The following STAG1 variants were observed in gnomAD, a reference collection of about 807,000 sequenced individuals.
STAG1 encodes the protein STAG1 cohesin complex component.
STAG1 carries 26 observed loss-of-function variants against 170.9 expected under a neutral mutation model. The ratio of observed to expected loss-of-function variants is 0.15; its 90% CI spans 0.11 to 0.21. STAG1 has a LOEUF of 0.21. Among genes scored for constraint, STAG1 ranks in the 10% least tolerant of loss-of-function variants. The probability of loss-of-function intolerance (pLI) is 1.00; values close to 1 mark genes in which losing one functional copy is unlikely to be tolerated. For missense variants in STAG1, 964 were observed against 1,509.5 expected, an observed-to-expected ratio of 0.64 and a Z score of 5.99; for synonymous variants, 514 against 497.7, an observed-to-expected ratio of 1.03 and a Z score of -0.44.
At chr3:136,405,910 A>T (rs1449209895) in intron 21 of STAG1, among the ~76,000 whole-genome samples, 2 of 152,050 alleles carry the variant, frequency 1.3e-5, no homozygotes, top group Non-Finnish European at 2.9e-5. Flanking sequence ...GACGATACAC[A>T]ATAACTGAAG....
chr3:136,638,485 AAAATATG>A (rs1458051686), intron 1 of STAG1, among the ~76,000 whole-genome samples: 1 of 152,080 alleles, frequency 6.6e-6, no homozygotes, highest in East Asian at 1.9e-4. Context: ...TGTTGAATTA[AAAATATG>A]TGTGTGTATA....
chr3:136,521,204 A>G lies in STAG1; in HGVS notation c.676+9T>C. 1 of 1,609,050 alleles carries G rather than the reference A, an allele frequency of 6.2e-7. No homozygotes were observed. The highest frequency in any genetic ancestry group is 8.5e-7 in the Non-Finnish European group (1 of 1,175,954). On this transcript the variant is annotated intron_variant, in intron 7 of 33. Coordinates refer to ENST00000383202, the MANE Select transcript of STAG1 (RefSeq NM_005862.3). ...TAAATGAAAAGGAAATAAAATGTTA[A>G]TTACTTACCAGCCAGGGTACTTGTA... is the stretch of plus-strand genomic sequence containing the variant.
At chr3:136,612,949 G>A (rs1939379279) in intron 3 of STAG1, among the ~76,000 whole-genome samples, 1 of 152,162 alleles carries the variant, frequency 6.6e-6, no homozygotes, top group South Asian at 2.1e-4. Context: ...AGCTTTGTAT[G>A]AAATTGCCAA....
chr3:136,580,934 T>C (rs1325800828), intron 4 of STAG1, among the ~76,000 whole-genome samples: 1 of 152,232 alleles, frequency 6.6e-6, no homozygotes, highest in Non-Finnish European at 1.5e-5. Context: ...GTATATGGTA[T>C]GAGGTAAAAA....
chr3:136,470,488 A>T (rs1478521339), intron 12 of STAG1, among the ~76,000 whole-genome samples: 3 of 152,214 alleles, frequency 2.0e-5, no homozygotes, highest in South Asian at 2.1e-4. Context: ...AGGAAACAAC[A>T]GATGTTGGAG....
intron 6 of STAG1, among the ~76,000 whole-genome samples, chr3:136,541,538 T>TCACACACACACACACTCACACACACA (rs1935899379): frequency 8.1e-6 from 1 of 123,122 alleles, no homozygotes; most frequent in Non-Finnish European, 1.7e-5. Flanking sequence ...AGCTTAACAT[T>TCACACACACACACACTCACACACACA]CACACACACA....
chr3:136,371,243 T>C lies in STAG1; in HGVS notation c.2371-1961A>G, dbSNP rs542758461. Among the ~76,000 whole-genome samples the C allele has an allele frequency of 2.6e-5, 4 of 152,366 alleles. No homozygotes were observed. The South Asian group carries it at 8.3e-4, about 32-fold the overall frequency. On this transcript the variant is annotated intron_variant, in intron 23 of 33. Coordinates refer to ENST00000383202, the MANE Select transcript of STAG1 (RefSeq NM_005862.3). ...TAAATCTGTCTGAGTTCATTGTAGATTCTGGATATTAGCCCTTTGTCAGAT... is the reference window on the plus strand; with the variant it reads ...TAAATCTGTCTGAGTTCATTGTAGACTCTGGATATTAGCCCTTTGTCAGAT...
chr3:136,490,714 G>T (rs2090109380), intron 9 of STAG1, among the ~76,000 whole-genome samples: 1 of 152,088 alleles, frequency 6.6e-6, no homozygotes, highest in East Asian at 1.9e-4. Context: ...ATCTATTATG[G>T]TATTGTATAA....
At chr3:136,341,949 T>C (rs1440870894) in intron 30 of STAG1, among the ~76,000 whole-genome samples, 1 of 152,172 alleles carries the variant, frequency 6.6e-6, no homozygotes, top group Non-Finnish European at 1.5e-5. Context: ...CCTCAGTCTT[T>C]ATGGAGTCAA....
At chr3:136,698,267 C>T (rs1482346000) in intron 1 of STAG1, among the ~76,000 whole-genome samples, 1 of 152,074 alleles carries the variant, frequency 6.6e-6, no homozygotes, top group Non-Finnish European at 1.5e-5. Context: ...TGACAAAGGA[C>T]TAGTATCCTG....
intron 1 of STAG1, among the ~76,000 whole-genome samples, chr3:136,636,729 A>G (rs1940577352): frequency 1.3e-5 from 2 of 152,256 alleles, no homozygotes; most frequent in African/African-American, 4.8e-5. Flanking sequence ...TAAAATATTA[A>G]ACACTAAAAT....
intron 1 of STAG1, among the ~76,000 whole-genome samples, chr3:136,714,953 A>ATATATATATTTTATATATATATTTT (rs1943487625): frequency 2.2e-5 from 2 of 91,018 alleles, no homozygotes; most frequent in South Asian, 3.5e-4. Context: ...ATATATATAT[A>ATATATATATTTTATATATATATTTT]TATATATATA....
At chr3:136,353,906 A>C (rs1489513310) in intron 28 of STAG1, among the ~76,000 whole-genome samples, 3 of 152,252 alleles carry the variant, frequency 2.0e-5, no homozygotes, top group African/African-American at 7.2e-5. Flanking sequence ...AACAATATGT[A>C]TGTTACTGTA....
intron 1 of STAG1, among the ~76,000 whole-genome samples, chr3:136,720,579 C>T (rs1222560107): frequency 6.6e-6 from 1 of 152,140 alleles, no homozygotes; most frequent in Admixed American, 6.5e-5. Flanking sequence ...CACCTGAGGT[C>T]AGGAGTTCAA....
chr3:136,641,163 G>T (rs1374328414), intron 1 of STAG1, among the ~76,000 whole-genome samples: 2 of 152,168 alleles, frequency 1.3e-5, no homozygotes, highest in Non-Finnish European at 2.9e-5. Context: ...AGAAGAGAAA[G>T]ATTCTTCTTC....
intron 5 of STAG1, 62 bp downstream of exon 5, chr3:136,568,703 G>A: frequency 1.7e-6 from 2 of 1,181,600 alleles, no homozygotes; most frequent in Non-Finnish European, 2.5e-6. Flanking sequence ...GGCAGGTGAA[G>A]TAAAAGTCAC....
rs1039965856 is a variant in STAG1 at position 136,336,696 on chromosome 3, C to G, written c.*1558G>C. ...TTAGCAGAGAAGATATTTTTGGTGA[C>G]CAGGTTTTTTTCAGAACTGTACAAA... On this transcript the variant is annotated 3_prime_UTR_variant, in exon 34 of 34. Transcript: ENST00000383202. The G allele has an allele frequency of 6.6e-6, 1 of 152,156 alleles. No individual in the cohort carries two copies. Among genetic ancestry groups the G allele is most frequent in the Non-Finnish European group, 1.5e-5 (1 of 68,034 alleles). The allele number at this position is 152,156 out of a possible 1,614,324, so 9.4% of individuals were successfully genotyped here.
intron 1 of STAG1, among the ~76,000 whole-genome samples, chr3:136,637,512 T>C (rs1050348650): frequency 4.6e-5 from 7 of 152,194 alleles, no homozygotes; most frequent in Admixed American, 1.3e-4. Context: ...CTGAATGTTG[T>C]ACTGTAAAAG....
At chr3:136,346,786 G>A (rs1176758608) in intron 29 of STAG1, among the ~76,000 whole-genome samples, 2 of 152,190 alleles carry the variant, frequency 1.3e-5, no homozygotes, top group Non-Finnish European at 2.9e-5. Flanking sequence ...TTTGATGAAT[G>A]TTGGCTAATA....
Sources: allele counts gnomAD v4.1 joint callset (sites outside exome capture counted in the v4.1 genomes callset), GRCh38; gene constraint gnomAD v4.1.1; transcripts MANE v1.5; gene names NCBI Gene and HGNC (gene_info 2026-07-23, HGNC 2026-07-21).